PJA2: variants seen among roughly 807,000 people sequenced by gnomAD.
The protein encoded by PJA2 is praja ring finger ubiquitin ligase 2, also known as E3 ubiquitin-protein ligase Praja-2.
PJA2 carries 25 observed loss-of-function variants against 69.3 expected under a neutral mutation model. That is an observed-to-expected ratio of 0.36 (90% CI 0.26 to 0.50). The LOEUF is 0.50. Ranked by LOEUF, PJA2 falls within the 20% of genes least tolerant of loss-of-function variation. PJA2 has a pLI of 0.96. For missense variants in PJA2, 809 were observed against 830.2 expected (o/e 0.97, Z 0.31); for synonymous variants, 308 against 277.8 (o/e 1.11, Z -1.08).
rs573916792 is a variant in PJA2, at chr5:109,379,017, T to G, written c.470A>C (p.Gln157Pro). The G allele has an allele frequency of 4.1e-5, 66 of 1,614,194 alleles. 1 individual carries two copies. The South Asian group carries it at 7.1e-4, about 17-fold the overall frequency. Residue 157 changes from glutamine to proline, a missense_variant, in exon 4 of 10, where the codon CAA becomes CCA. Transcript: ENST00000361189. ...TGTATGAACCAATGCAATTCCATTT[T>G]GGACACTTGAAGCACTACAAGCTCC... is the stretch of plus-strand genomic sequence containing the variant. Reference protein sequence around the residue: ...IPGACSASSVQNGIALVHTDS... With the variant: ...IPGACSASSVPNGIALVHTDS...
intron 1 of PJA2, among the ~76,000 whole-genome samples, chr5:109,391,188 T>C (rs1747273092): frequency 6.6e-6 from 1 of 152,144 alleles, no homozygotes; most frequent in Admixed American, 6.5e-5. Context: ...CACATAACAG[T>C]TTAACTCCTC....
At chr5:109,354,559 A>ACATATCGATATT (rs1157214256) in intron 7 of PJA2, among the ~76,000 whole-genome samples, 1 of 134,594 alleles carries the variant, frequency 7.4e-6, no homozygotes, top group African/African-American at 2.9e-5. Context: ...TATCGATATT[A>ACATATCGATATT]GATATCTATA....
chr5:109,346,368 AC>A (rs1158843374), intron 7 of PJA2, among the ~76,000 whole-genome samples: 3 of 152,186 alleles, frequency 2.0e-5, no homozygotes, highest in African/African-American at 7.2e-5. Context: ...AAAATTAAAA[AC>A]AGAATTATCA....
chr5:109,394,340 G>C (rs1747355929), intron 1 of PJA2, among the ~76,000 whole-genome samples: 1 of 152,096 alleles, frequency 6.6e-6, no homozygotes, highest in Admixed American at 6.6e-5. Flanking sequence ...GAGCCGCCAT[G>C]CCCAGCCACA....
intron 6 of PJA2, among the ~76,000 whole-genome samples, chr5:109,358,168 T>G (rs1381040330): frequency 6.6e-6 from 1 of 152,032 alleles, no homozygotes; most frequent in African/African-American, 2.4e-5. Context: ...TGCTAGAAGG[T>G]TGTGGGTTTA....
chr5:109,342,332 G>T (rs1197121928), intron 9 of PJA2, among the ~76,000 whole-genome samples: 6 of 107,394 alleles, frequency 5.6e-5, no homozygotes, highest in South Asian at 6.3e-4. Context: ...GAGGTGGGGG[G>T]ATCGGCCCCC....
At chr5:109,361,975 G>C (rs376432036) in intron 6 of PJA2, among the ~76,000 whole-genome samples, 1 of 152,124 alleles carries the variant, frequency 6.6e-6, no homozygotes, top group Middle Eastern at 3.2e-3. Context: ...TAAAACATAT[G>C]TTCTGGAAAC....
intron 9 of PJA2, among the ~76,000 whole-genome samples, chr5:109,343,768 T>C (rs1200893480): frequency 6.6e-6 from 1 of 152,194 alleles, no homozygotes; most frequent in Non-Finnish European, 1.5e-5. Flanking sequence ...TAAAAAGTAC[T>C]ACAAATTTGC....
chr5:109,369,788 T>C (rs1388317824), intron 4 of PJA2, among the ~76,000 whole-genome samples: 1 of 152,140 alleles, frequency 6.6e-6, no homozygotes, highest in East Asian at 1.9e-4. Flanking sequence ...ATCCCAGCAC[T>C]TTGGGAGGCT....
At chr5:109,391,624 T>C (rs193240037) in intron 1 of PJA2, among the ~76,000 whole-genome samples, 1 of 151,720 alleles carries the variant, frequency 6.6e-6, no homozygotes, top group Admixed American at 6.6e-5. Context: ...TGCTTGTCAG[T>C]GAATTAAAAA....
intron 1 of PJA2, among the ~76,000 whole-genome samples, chr5:109,408,715 T>C (rs1747751501): frequency 1.3e-5 from 2 of 152,242 alleles, no homozygotes; most frequent in South Asian, 2.1e-4. Flanking sequence ...CAAACTTGCA[T>C]GTCTGCAATG....
intron 4 of PJA2, among the ~76,000 whole-genome samples, chr5:109,377,186 C>T (rs1200941025): frequency 1.3e-5 from 2 of 151,900 alleles, no homozygotes; most frequent in Non-Finnish European, 2.9e-5. Context: ...ATTCATATGT[C>T]CAAAGAAAAT....
At chr5:109,366,928 T>G (rs1370780872) in intron 5 of PJA2, among the ~76,000 whole-genome samples, 1 of 151,858 alleles carries the variant, frequency 6.6e-6, no homozygotes, top group Non-Finnish European at 1.5e-5. Flanking sequence ...GGTCAGGAGT[T>G]CAAGACCAAC....
At chr5:109,388,676 A>T (rs1747216919) in intron 1 of PJA2, among the ~76,000 whole-genome samples, 1 of 152,312 alleles carries the variant, frequency 6.6e-6, no homozygotes, top group South Asian at 2.1e-4. Context: ...TTTCTAGAAA[A>T]AAAAGGTTGA....
intron 7 of PJA2, among the ~76,000 whole-genome samples, chr5:109,351,399 T>G (rs918074482): frequency 6.6e-6 from 1 of 152,130 alleles, no homozygotes; most frequent in African/African-American, 2.4e-5. Flanking sequence ...TACAAAACAC[T>G]TACCAAAATT....
chr5:109,347,252 A>G (rs1762184605), intron 7 of PJA2, among the ~76,000 whole-genome samples: 1 of 152,234 alleles, frequency 6.6e-6, no homozygotes, highest in African/African-American at 2.4e-5. Context: ...TGCCCTTTGA[A>G]AACAGATTTG....
intron 4 of PJA2, among the ~76,000 whole-genome samples, chr5:109,370,465 A>C (rs985501882): frequency 5.3e-5 from 8 of 152,234 alleles, no homozygotes; most frequent in African/African-American, 1.9e-4. Context: ...AAGCAAAGAT[A>C]TAAAATCAAC....
intron 8 of PJA2, 34 bp from the exon 9 acceptor site, chr5:109,344,345 G>A (rs757323514): frequency 4.5e-6 from 7 of 1,562,604 alleles, no homozygotes; most frequent in Non-Finnish European, 6.0e-6. Context: ...TCAATCACAC[G>A]TAGTTCAATT....
intron 7 of PJA2, among the ~76,000 whole-genome samples, chr5:109,349,679 A>G (rs1198789921): frequency 6.6e-6 from 1 of 152,164 alleles, no homozygotes; most frequent in Non-Finnish European, 1.5e-5. Context: ...ATTTCCATCA[A>G]GGTGACCTCA....
Sources: gnomAD v4.1 joint callset for allele counts (sites outside exome capture counted in the v4.1 genomes callset) on GRCh38, gnomAD v4.1.1 for gene constraint, MANE v1.5 for transcripts, NCBI Gene and HGNC (gene_info 2026-07-23, HGNC 2026-07-21) for gene names.